C19orf44: variants seen among roughly 807,000 people sequenced by gnomAD.
C19orf44 encodes the protein chromosome 19 open reading frame 44, also known as uncharacterized protein C19orf44.
A neutral mutation model predicts 50.7 loss-of-function variants in C19orf44; 43 were observed. The observed-to-expected ratio is 0.85, with a 90% CI of 0.66 to 1.09. The LOEUF (loss-of-function observed/expected upper bound fraction) is 1.09. Ranked by LOEUF, C19orf44 falls within the 50% of genes least tolerant of loss-of-function variation. The pLI is 0.00. For missense variants in C19orf44, 722 were observed against 836.2 expected, an observed-to-expected ratio of 0.86 and a Z score of 1.68; for synonymous variants, 298 against 334.7, an observed-to-expected ratio of 0.89 and a Z score of 1.20.
intron 7 of C19orf44, among the ~76,000 whole-genome samples, chr19:16,517,012 T>C (rs1209397650): frequency 1.3e-5 from 2 of 152,160 alleles, no homozygotes; most frequent in Admixed American, 6.5e-5. Flanking sequence ...CCCCTCCCTT[T>C]CTCTGTCAGG....
rs779934479 is a variant in C19orf44 at position 16,500,796 on chromosome 19, G to T, written c.4G>T (p.Ala2Ser). The change falls in exon 2 of 9, where the codon GCT (alanine) becomes TCT (serine). Residue 2 changes from alanine to serine, a missense_variant. Physicochemically the swap from Ala to Ser is moderately conservative, Grantham distance 99. Coordinates refer to ENST00000221671, the MANE Select transcript of C19orf44 (RefSeq NM_032207.4). Reference sequence around the variant, plus strand: ...ATTGCTCCTCTTCCTCCACAGAATGGCTTCTGCAAGGAAAGCCAGCCGTCC... The same window carrying T: ...ATTGCTCCTCTTCCTCCACAGAATGTCTTCTGCAAGGAAAGCCAGCCGTCC... M[A>S]SARKASRPMR... 1 of 1,569,200 alleles carries T rather than the reference G, an allele frequency of 6.4e-7. No homozygotes were observed. Among genetic ancestry groups the T allele is most frequent in the Admixed American group, 2.0e-5 (1 of 50,198 alleles).
At chr19:16,498,676 CT>C (rs553673820) in intron 1 of C19orf44, among the ~76,000 whole-genome samples, 164 of 143,760 alleles carry the variant, frequency 1.1e-3, no homozygotes, top group African/African-American at 1.6e-3. Context: ...TGGTTTTTTT[CT>C]TTTTTTTTTT....
At chr19:16,502,922 C>T (rs8111282) in intron 2 of C19orf44, 143 bp from the exon 3 acceptor site, 208,660 of 698,658 alleles carry the variant, frequency 0.3, 33,905 homozygotes, top group African/African-American at 0.51. Flanking sequence ...CCCAGGATGT[C>T]GAGGCTACAG....
At chr19:16,513,726 A>C (rs1343072960) in intron 6 of C19orf44, among the ~76,000 whole-genome samples, 2 of 152,188 alleles carry the variant, frequency 1.3e-5, no homozygotes, top group Non-Finnish European at 2.9e-5. Flanking sequence ...GTGGCATTAC[A>C]TCAATAAGCC....
At chr19:16,500,184 C>T (rs2093420988) in intron 1 of C19orf44, among the ~76,000 whole-genome samples, 1 of 152,090 alleles carries the variant, frequency 6.6e-6, no homozygotes, top group African/African-American at 2.4e-5. Context: ...TTGCCTTGGC[C>T]TCCTAAACTG....
chr19:16,516,030 A>G (rs1398257361), intron 7 of C19orf44, among the ~76,000 whole-genome samples: 5 of 152,144 alleles, frequency 3.3e-5, no homozygotes, highest in African/African-American at 1.2e-4. Flanking sequence ...ACTCCCGACC[A>G]CAGGTGATCC....
intron 3 of C19orf44, among the ~76,000 whole-genome samples, chr19:16,503,854 T>C (rs12459711): frequency 0.39 from 59,090 of 152,024 alleles, 13,164 homozygotes; most frequent in African/African-American, 0.62. Flanking sequence ...TGTGAGCCAC[T>C]ACACCTGGCT....
intron 3 of C19orf44, among the ~76,000 whole-genome samples, chr19:16,506,096 C>T (rs946145802): frequency 1.3e-5 from 2 of 152,140 alleles, no homozygotes; most frequent in Non-Finnish European, 2.9e-5. Context: ...CGGCCTCAGC[C>T]TCCTGAGTAG....
At chr19:16,497,352 CTTTT>C (rs71180303) in intron 1 of C19orf44, among the ~76,000 whole-genome samples, 1 of 127,030 alleles carries the variant, frequency 7.9e-6, no homozygotes, top group African/African-American at 3.0e-5. Flanking sequence ...TTTTTCTTTC[CTTTT>C]TTTTTTTTTT....
chr19:16,517,175 TCA>T (rs2085543837), intron 7 of C19orf44, 53 bp from the exon 8 acceptor site: 11 of 1,534,448 alleles, frequency 7.2e-6, no homozygotes, highest in South Asian at 2.3e-5. Flanking sequence ...GCACCCTGTC[TCA>T]GAGTGTACTG....
Position 16,513,104 on chromosome 19 carries a change from T to C in C19orf44, c.1730T>C (p.Ile577Thr), listed in dbSNP as rs773185076. The stretch of plus-strand genomic sequence containing the variant: ...AATCATGTTATCAGTGCAGATGCAA[T>C]AGAAGGTAACAGCCCGGCTCGGGGG... ...IANHVISADAIEALTAYSPAV... is the reference protein window; with the variant it reads ...IANHVISADATEALTAYSPAV... Residue 577 changes from isoleucine (I) to threonine (T), a missense_variant, in exon 6 of 9, where the codon ATA becomes ACA. Coordinates refer to ENST00000221671, the MANE Select transcript of C19orf44 (RefSeq NM_032207.4). 3 of 1,613,792 alleles carry C rather than the reference T, an allele frequency of 1.9e-6. No individual in the cohort carries two copies. The highest frequency in any genetic ancestry group is 2.5e-6 in the Non-Finnish European group (3 of 1,179,924).
chr19:16,499,926 A>G (rs778552803), intron 1 of C19orf44, among the ~76,000 whole-genome samples: 1 of 151,778 alleles, frequency 6.6e-6, no homozygotes, highest in Non-Finnish European at 1.5e-5. Context: ...AGTAGCTGGG[A>G]CTACAGGTGG....
In C19orf44 at chr19:16,519,375, AACC is replaced by A; in HGVS notation, c.*41-716_*41-714del. 1 of 1,606,210 alleles carries A rather than the reference AACC, an allele frequency of 6.2e-7. No individual in the cohort carries two copies. Among genetic ancestry groups the A allele is most frequent in the Non-Finnish European group, 8.5e-7 (1 of 1,177,478 alleles). The stretch of plus-strand genomic sequence containing the variant: ...AGCCTGGAAACAGAGACGCAGTCAC[AACC>A]ACAACAAGGCGGAGGCAGATGGGGG... On this transcript the variant is annotated intron_variant, in intron 8 of 8. Coordinates refer to ENST00000221671, the MANE Select transcript of C19orf44 (RefSeq NM_032207.4). This position sits in a 1 kb window ranked among gnomAD's most constrained non-coding sequence, Gnocchi z 6.0.
chr19:16,517,871 C>CT (rs1277430913), intron 8 of C19orf44: 1 of 152,286 alleles, frequency 6.6e-6, no homozygotes, highest in Admixed American at 6.5e-5. Context: ...ACACTTCTGA[C>CT]TTACACATGT....
In C19orf44 at chr19:16,503,058, A is replaced by G; in HGVS notation, c.760-7A>G. ...TAAGTTTGTTAATTTCAAGTGTTTTATATCAGGTCCCATCTCAACTGAGAG... is the reference window on the plus strand; with the variant it reads ...TAAGTTTGTTAATTTCAAGTGTTTTGTATCAGGTCCCATCTCAACTGAGAG... On this transcript the variant is annotated splice_polypyrimidine_tract_variant and splice_region_variant and intron_variant, in intron 2 of 8. Transcript: ENST00000221671. 6.2e-7 allele frequency: 1 copy of G among 1,603,006 alleles called. No homozygotes were observed. The highest frequency in any genetic ancestry group is 8.5e-7 in the Non-Finnish European group (1 of 1,172,632).
rs1322477531 is a variant in C19orf44 at position 16,519,861 on chromosome 19, T to C, written c.*41-233T>C. 8 of 766,942 alleles carry C rather than the reference T, an allele frequency of 1.0e-5. No homozygotes were observed. The Admixed American group carries it at 1.3e-4, about 12-fold the overall frequency. The allele number at this position is 766,942 out of a possible 1,614,324, so 47.5% of individuals were successfully genotyped here. A position where few individuals can be genotyped will look rare whatever the true frequency, so the allele number is the denominator to read the frequency against. The stretch of plus-strand genomic sequence containing the variant: ...TGCAGATTTTGCGTCTCTACCCGTT[T>C]ATCCTGTCTCAGCTAGATAAGGGGG... On this transcript the variant is annotated intron_variant, in intron 8 of 8. Transcript: ENST00000221671. The surrounding 1 kb of genome is among the most constrained non-coding windows in gnomAD (Gnocchi z 6.0).
rs554994357 is a variant in C19orf44 at position 16,520,660 on chromosome 19, T to C, written c.*607T>C. The C allele has an allele frequency of 3.0e-5, 34 of 1,145,220 alleles. No individual in the cohort carries two copies. In the East Asian group the frequency reaches 7.6e-4, roughly 26 times the overall value. 70.9% of individuals were successfully genotyped at this position (1,145,220 alleles called of 1,614,324 possible). A position where few individuals can be genotyped will look rare whatever the true frequency, so the allele number is the denominator to read the frequency against. On this transcript the variant is annotated 3_prime_UTR_variant, in exon 9 of 9. Coordinates refer to ENST00000221671, the MANE Select transcript of C19orf44 (RefSeq NM_032207.4). This position sits in a 1 kb window ranked among gnomAD's most constrained non-coding sequence, Gnocchi z 4.0. ...GCAACGGTACCAAGTTCCTAAATAG[T>C]GTGGCCGAGCCTGCTGCTGTGTGAA... is the stretch of plus-strand genomic sequence containing the variant.
At chr19:16,512,089 C>G (rs2093458936) in intron 5 of C19orf44, among the ~76,000 whole-genome samples, 1 of 151,328 alleles carries the variant, frequency 6.6e-6, no homozygotes, top group East Asian at 1.9e-4. Context: ...GGGGCTTAAC[C>G]TAACATCAGC....
Position 16,521,075 on chromosome 19 carries a change from G to A in C19orf44, c.*1022G>A. 1 of 658,582 alleles carries A rather than the reference G, an allele frequency of 1.5e-6. No homozygotes were observed. Among genetic ancestry groups the A allele is most frequent in the Admixed American group, 2.3e-5 (1 of 44,000 alleles). 40.8% of individuals were successfully genotyped at this position (658,582 alleles called of 1,614,324 possible). ...TAGAGCTTGGTTCAGTGTTCCCACAGGGCTGTCCTCCTGCAGCCCAGTGGC... is the reference window on the plus strand; with the variant it reads ...TAGAGCTTGGTTCAGTGTTCCCACAAGGCTGTCCTCCTGCAGCCCAGTGGC... On this transcript the variant is annotated 3_prime_UTR_variant, in exon 9 of 9. Transcript: ENST00000221671.
Sources: allele counts gnomAD v4.1 joint callset (sites outside exome capture counted in the v4.1 genomes callset), GRCh38; gene constraint gnomAD v4.1.1; non-coding constraint Gnocchi (gnomAD v3.1); transcripts MANE v1.5; gene names NCBI Gene and HGNC (gene_info 2026-07-23, HGNC 2026-07-21).